The following PDE4B variants were observed in gnomAD, a reference collection of about 807,000 sequenced individuals.
The protein encoded by PDE4B is 3',5'-cyclic-AMP phosphodiesterase 4B.
Under a neutral mutation model 82.2 loss-of-function variants are expected in PDE4B, and 20 were observed. The ratio of observed to expected loss-of-function variants is 0.24; its 90% CI spans 0.17 to 0.35. The LOEUF (loss-of-function observed/expected upper bound fraction) is 0.35, where lower values mean the gene tolerates loss of function less well. Ranked by LOEUF, PDE4B falls within the 10% of genes least tolerant of loss-of-function variation. The pLI is 1.00. For missense variants in PDE4B, 655 were observed against 907.2 expected (o/e 0.72, Z 3.57); for synonymous variants, 320 against 318.9 (o/e 1.00, Z -0.04).
intron 1 of PDE4B, among the ~76,000 whole-genome samples, chr1:65,909,572 T>C (rs761906184): frequency 6.6e-6 from 1 of 152,168 alleles, no homozygotes; most frequent in Non-Finnish European, 1.5e-5. Flanking sequence ...AGGACTAATA[T>C]AAATTTAAAA....
At chr1:65,926,528 A>G (rs1341928166) in intron 3 of PDE4B, among the ~76,000 whole-genome samples, 1 of 152,110 alleles carries the variant, frequency 6.6e-6, no homozygotes, top group Non-Finnish European at 1.5e-5. Flanking sequence ...ATCTTTCCCC[A>G]GTATCTGAAT....
At chr1:66,098,568 C>T (rs1184802258) in intron 3 of PDE4B, among the ~76,000 whole-genome samples, 3 of 152,092 alleles carry the variant, frequency 2.0e-5, no homozygotes, top group Non-Finnish European at 4.4e-5. Flanking sequence ...TTTTCCTTTC[C>T]ATTGACAGTT....
chr1:66,244,736 A>G (rs2101667518), intron 3 of PDE4B, among the ~76,000 whole-genome samples: 1 of 152,350 alleles, frequency 6.6e-6, no homozygotes, highest in Admixed American at 6.5e-5. Context: ...TCTTTGCATC[A>G]GAGACTTCTT....
intron 3 of PDE4B, among the ~76,000 whole-genome samples, chr1:65,987,463 C>T (rs952270020): frequency 5.9e-5 from 9 of 152,138 alleles, no homozygotes; most frequent in South Asian, 2.1e-4. Context: ...GCATGAATTC[C>T]GTCTTCTGTC....
intron 7 of PDE4B, among the ~76,000 whole-genome samples, chr1:66,325,470 A>T (rs74701302): frequency 6.6e-6 from 1 of 152,154 alleles, no homozygotes; most frequent in African/African-American, 2.4e-5. Context: ...TGCTCAGTGT[A>T]CTTTTGCTGA....
chr1:66,000,882 G>A (rs1465756116), intron 3 of PDE4B, among the ~76,000 whole-genome samples: 1 of 152,092 alleles, frequency 6.6e-6, no homozygotes, highest in South Asian at 2.1e-4. Context: ...AGTGATCTAG[G>A]AGCCATTTGG....
intron 7 of PDE4B, among the ~76,000 whole-genome samples, chr1:66,327,867 G>A (rs1659844817): frequency 6.6e-6 from 1 of 152,194 alleles, no homozygotes; most frequent in Admixed American, 6.5e-5. Flanking sequence ...AACTTTAAAT[G>A]CAGCATTTTC....
At chr1:66,049,514 T>A in intron 3 of PDE4B, among the ~76,000 whole-genome samples, 1 of 152,200 alleles carries the variant, frequency 6.6e-6, no homozygotes, top group East Asian at 1.9e-4. Flanking sequence ...GTAAGAGACC[T>A]GGCTATTTCT....
chr1:65,959,765 A>G (rs1649454053), intron 3 of PDE4B, among the ~76,000 whole-genome samples: 1 of 152,128 alleles, frequency 6.6e-6, no homozygotes, highest in Non-Finnish European at 1.5e-5. Context: ...TCACTACTGC[A>G]CACTGCCTCA....
intron 7 of PDE4B, among the ~76,000 whole-genome samples, chr1:66,269,230 G>A (rs542160078): frequency 8.0e-4 from 122 of 152,240 alleles, no homozygotes; most frequent in South Asian, 1.2e-3. Context: ...TAGTGTGTTC[G>A]TATAGGTTTT....
rs1222475007 is a variant in PDE4B at position 66,308,437 on chromosome 1, A to T, written c.635-24071A>T. 4.6e-5 allele frequency among the ~76,000 whole-genome samples: 7 copies of T among 152,170 alleles called. 1 individual carries two copies. The highest frequency in any genetic ancestry group is 4.6e-4 in the Admixed American group (7 of 15,272). ...ATAAAATGAACATACCTATGTAACC[A>T]CTACCCAGACCAAAAGAACAGATAA... On this transcript the variant is annotated intron_variant, in intron 7 of 16. Transcript: ENST00000341517.
intron 7 of PDE4B, among the ~76,000 whole-genome samples, chr1:66,282,530 CTA>C (rs1656373907): frequency 6.6e-6 from 1 of 152,182 alleles, no homozygotes; most frequent in South Asian, 2.1e-4. Context: ...CCATCCAACT[CTA>C]GGCTGGCTCT....
At position 65,899,118 on chromosome 1, in the gene PDE4B, AG is replaced by A. The variant is rs548974855; in HGVS notation, c.-70-14126del. Among the ~76,000 whole-genome samples the A allele has an allele frequency of 7.6e-4, 115 of 152,208 alleles. 1 individual carries two copies. Among genetic ancestry groups the A allele is most frequent in the African/African-American group, 2.6e-3 (109 of 41,552 alleles). On this transcript the variant is annotated intron_variant, in intron 1 of 16. Transcript: ENST00000341517. ...TACAACAAACTCAAACAAATCAGCAAGAAAAAAACAAAAAAATCCCATCAAA... is the reference window on the plus strand; with the variant it reads ...TACAACAAACTCAAACAAATCAGCAAAAAAAAACAAAAAAATCCCATCAAA...
chr1:66,314,609 C>CTCT (rs1658893215), intron 7 of PDE4B, among the ~76,000 whole-genome samples: 2 of 152,078 alleles, frequency 1.3e-5, no homozygotes, highest in Non-Finnish European at 2.9e-5. Flanking sequence ...GATGGGGTTT[C>CTCT]ACCATATTAG....
chr1:66,074,707 G>GA (rs59159390), intron 3 of PDE4B, among the ~76,000 whole-genome samples: 145,889 of 152,220 alleles, frequency 0.96, 69,932 homozygotes, highest in East Asian at 0.98. Flanking sequence ...TGCTTAAGTT[G>GA]TTGTTCATAT....
At chr1:65,946,440 G>T (rs901175798) in intron 3 of PDE4B, among the ~76,000 whole-genome samples, 1 of 151,956 alleles carries the variant, frequency 6.6e-6, no homozygotes, top group Admixed American at 6.6e-5. Context: ...GTGCCAAACT[G>T]ATGTCAGAAT....
intron 7 of PDE4B, 33 bp from the exon 8 acceptor site, chr1:66,332,475 A>C: frequency 1.9e-6 from 3 of 1,614,204 alleles, no homozygotes; most frequent in Non-Finnish European, 2.5e-6. Context: ...CAGCCGCTCC[A>C]GCCTAACTAC....
intron 3 of PDE4B, among the ~76,000 whole-genome samples, chr1:66,199,607 C>G (rs1648690277): frequency 6.6e-6 from 1 of 151,934 alleles, no homozygotes; most frequent in South Asian, 2.1e-4. Flanking sequence ...TGACACGATC[C>G]CTTTTCAGGT....
intron 3 of PDE4B, among the ~76,000 whole-genome samples, chr1:66,085,817 T>C (rs1656973648): frequency 6.6e-6 from 1 of 152,114 alleles, no homozygotes; most frequent in South Asian, 2.1e-4. Context: ...TGGGGAATCA[T>C]GACAAGCTTT....
Sources: allele counts gnomAD v4.1 joint callset (sites outside exome capture counted in the v4.1 genomes callset), GRCh38; gene constraint gnomAD v4.1.1; transcripts MANE v1.5; gene names NCBI Gene and HGNC (gene_info 2026-07-23, HGNC 2026-07-21).